Variants in MYO3B observed in about 807,000 individuals in gnomAD.
MYO3B encodes the protein myosin IIIB.
A neutral mutation model predicts 174.6 loss-of-function variants in MYO3B; 156 were observed. The ratio of observed to expected loss-of-function variants is 0.89; its 90% CI spans 0.78 to 1.02. MYO3B has a LOEUF of 1.02. Ranked by LOEUF, MYO3B falls within the 50% of genes least tolerant of loss-of-function variation. The pLI, the probability that MYO3B is intolerant of heterozygous loss-of-function variation, is 0.00. For missense variants in MYO3B, 1,632 were observed against 1,639.4 expected (o/e 1.00, Z 0.08); for synonymous variants, 563 against 569.1 (o/e 0.99, Z 0.15).
chr2:170,255,690 G>A (rs937548194), intron 7 of MYO3B, among the ~76,000 whole-genome samples: 7 of 151,978 alleles, frequency 4.6e-5, no homozygotes, highest in Admixed American at 3.9e-4. Context: ...AAAACACCAG[G>A]CCCCCTGAGA....
At chr2:170,180,278 G>C in intron 1 of MYO3B, 1 of 328,028 alleles carries the variant, frequency 3.0e-6, no homozygotes, top group Non-Finnish European at 6.6e-6. Context: ...ACTAGCTCAC[G>C]AGAAACTCAA....
chr2:170,190,825 C>T (rs2092531600), intron 1 of MYO3B, among the ~76,000 whole-genome samples: 1 of 152,048 alleles, frequency 6.6e-6, no homozygotes. Flanking sequence ...CCCTAAGAGC[C>T]CACTTGGTGC....
chr2:170,559,060 G>A (rs1691537896), intron 32 of MYO3B, among the ~76,000 whole-genome samples: 1 of 152,114 alleles, frequency 6.6e-6, no homozygotes, highest in Non-Finnish European at 1.5e-5. Flanking sequence ...AGTTAATATG[G>A]CCTAACCTAT....
chr2:170,432,819 C>T (rs1252689073), intron 22 of MYO3B, among the ~76,000 whole-genome samples: 5 of 152,122 alleles, frequency 3.3e-5, no homozygotes, highest in African/African-American at 1.2e-4. Flanking sequence ...TTGTGATCCA[C>T]CTGCCTCGGC....
rs1267476067 is a variant in MYO3B, at chr2:170,365,289, C to T, written c.816-3933C>T. Among the ~76,000 whole-genome samples, 5 of 152,140 alleles carry T rather than the reference C, an allele frequency of 3.3e-5. No individual in the cohort carries two copies. In the East Asian group the frequency reaches 9.6e-4, roughly 29 times the overall value. On this transcript the variant is annotated intron_variant, in intron 8 of 34. Transcript: ENST00000408978. ...GGGGCTAGAATCGAAAATCTCAGTC[C>T]CTGTGGCTCTGAAACCCTATGCTTT...
intron 7 of MYO3B, among the ~76,000 whole-genome samples, chr2:170,328,684 T>A (rs948566718): frequency 6.6e-6 from 1 of 152,158 alleles, no homozygotes; most frequent in African/African-American, 2.4e-5. Context: ...AACCTAAATG[T>A]TCACCAATAC....
chr2:170,444,479 C>A (rs1000153267), intron 23 of MYO3B, among the ~76,000 whole-genome samples: 1 of 152,188 alleles, frequency 6.6e-6, no homozygotes, highest in East Asian at 1.9e-4. Context: ...TTTAACTGTT[C>A]TATCCTTCCA....
chr2:170,452,511 C>T (rs963524882), intron 23 of MYO3B, among the ~76,000 whole-genome samples: 2 of 152,132 alleles, frequency 1.3e-5, no homozygotes, highest in Non-Finnish European at 2.9e-5. Context: ...GTATGTATAG[C>T]TTGGATATCC....
intron 32 of MYO3B, chr2:170,602,204 G>T (rs1694553990): frequency 1.7e-6 from 2 of 1,209,022 alleles, no homozygotes; most frequent in Non-Finnish European, 2.4e-6. Context: ...TTGCCTCTCG[G>T]CTTCTTAGGG....
At chr2:170,313,247 T>C (rs2093751666) in intron 7 of MYO3B, among the ~76,000 whole-genome samples, 1 of 152,168 alleles carries the variant, frequency 6.6e-6, no homozygotes, top group Non-Finnish European at 1.5e-5. Context: ...TCCCCCTCTG[T>C]AAAATAAGGG....
At chr2:170,403,128 G>T in intron 19 of MYO3B, 133 bp downstream of exon 19, 9 of 795,002 alleles carry the variant, frequency 1.1e-5, no homozygotes, top group Non-Finnish European at 1.8e-6. Context: ...GGCAGTCCTG[G>T]CTAAATAGTC....
chr2:170,407,979 A>C, intron 22 of MYO3B, 135 bp downstream of exon 22: 1 of 1,044,854 alleles, frequency 9.6e-7, no homozygotes, highest in Non-Finnish European at 1.4e-6. Flanking sequence ...AAGGGTCTAA[A>C]TTCAAGAAAA....
intron 25 of MYO3B, among the ~76,000 whole-genome samples, chr2:170,485,145 GTA>G (rs1402601353): frequency 1.3e-5 from 2 of 151,936 alleles, no homozygotes; most frequent in Non-Finnish European, 2.9e-5. Context: ...GATCAAATTT[GTA>G]TAGTCACGAT....
chr2:170,430,123 T>A (rs2094697561), intron 22 of MYO3B, among the ~76,000 whole-genome samples: 1 of 151,862 alleles, frequency 6.6e-6, no homozygotes, highest in African/African-American at 2.4e-5. Context: ...CAGGGCTGAG[T>A]GCGTAGGTTT....
chr2:170,257,974 G>C (rs764235454), intron 7 of MYO3B, among the ~76,000 whole-genome samples: 14 of 152,214 alleles, frequency 9.2e-5, no homozygotes, highest in Admixed American at 3.9e-4. Flanking sequence ...AGAGGAAATG[G>C]ATAAATTCCT....
intron 17 of MYO3B, 64 bp downstream of exon 17, chr2:170,400,378 A>C: frequency 6.4e-7 from 1 of 1,557,042 alleles, no homozygotes. Context: ...GGCTCTGTAA[A>C]ATATAATGCA....
At chr2:170,182,500 G>A (rs558685302) in intron 1 of MYO3B, among the ~76,000 whole-genome samples, 2 of 152,040 alleles carry the variant, frequency 1.3e-5, no homozygotes, top group African/African-American at 4.8e-5. Context: ...TACCCCTGTG[G>A]CATAATGTTT....
intron 7 of MYO3B, among the ~76,000 whole-genome samples, chr2:170,288,557 G>A (rs111285931): frequency 0.3 from 45,843 of 151,742 alleles, 7,069 homozygotes; most frequent in South Asian, 0.43. Flanking sequence ...TGATTTTTGT[G>A]TGTTGATTTT....
intron 32 of MYO3B, among the ~76,000 whole-genome samples, chr2:170,635,422 C>G (rs528320865): frequency 2.6e-5 from 4 of 151,240 alleles, no homozygotes; most frequent in Admixed American, 2.0e-4. Context: ...TGAGTACACT[C>G]GGACACAGTA....
Sources: gnomAD v4.1 joint callset for allele counts (sites outside exome capture counted in the v4.1 genomes callset) on GRCh38, gnomAD v4.1.1 for gene constraint, MANE v1.5 for transcripts, NCBI Gene and HGNC (gene_info 2026-07-23, HGNC 2026-07-21) for gene names.